DDX54: variants seen among roughly 807,000 people sequenced by gnomAD.
The protein encoded by DDX54 is DEAD-box helicase 54, also known as ATP-dependent RNA helicase DDX54.
In DDX54, 67 loss-of-function variants were observed where a neutral mutation model predicts 105.5. The ratio of observed to expected loss-of-function variants is 0.64; its 90% CI spans 0.52 to 0.78. DDX54 has a LOEUF of 0.78. Among genes scored for constraint, DDX54 ranks in the 30% least tolerant of loss-of-function variants. The pLI is 0.00. For missense variants in DDX54, 1,206 were observed against 1,230.5 expected, an observed-to-expected ratio of 0.98 and a Z score of 0.30; for synonymous variants, 514 against 509.9, an observed-to-expected ratio of 1.01 and a Z score of -0.11.
At chr12:113,162,355 G>A (rs1952218158) in intron 17 of DDX54, among the ~76,000 whole-genome samples, 1 of 152,184 alleles carries the variant, frequency 6.6e-6, no homozygotes, top group Non-Finnish European at 1.5e-5. Context: ...AGTCCTGAAC[G>A]AATGGGTCCT....
Position 113,176,876 on chromosome 12 carries a change from T to C in DDX54, c.716A>G (p.Gln239Arg). Reference protein sequence around the residue: ...HVAVEMSLKLQSVEYVVFDEA... With the variant: ...HVAVEMSLKLRSVEYVVFDEA... ...ATCGAACACCACGTATTCCACACTC[T>C]GCAGCTTCAGGCTCATTTCCACAGC... The change falls in exon 7 of 20, where the codon CAG (glutamine) becomes CGG (arginine). Residue 239 changes from glutamine to arginine, a missense_variant. Physicochemically the swap from Gln to Arg is conservative, Grantham distance 43. Transcript: ENST00000306014. 1 of 1,614,220 alleles carries C rather than the reference T, an allele frequency of 6.2e-7. No individual in the cohort carries two copies. Among genetic ancestry groups the C allele is most frequent in the Non-Finnish European group, 8.5e-7 (1 of 1,180,040 alleles).
chr12:113,170,338 G>T (rs942940396), intron 11 of DDX54, among the ~76,000 whole-genome samples: 1 of 152,190 alleles, frequency 6.6e-6, no homozygotes, highest in Non-Finnish European at 1.5e-5. Context: ...CAGGAAAAGA[G>T]TGGGCAAACT....
chr12:113,173,919 A>G (rs1436550582), intron 10 of DDX54, among the ~76,000 whole-genome samples: 1 of 152,248 alleles, frequency 6.6e-6, no homozygotes, highest in East Asian at 1.9e-4. Context: ...GCTGTGGCTT[A>G]CACCTGTAAT....
Position 113,169,805 on chromosome 12 carries a change from G to A in DDX54, c.1379C>T (p.Ser460Phe). Reference protein sequence around the residue: ...LLDLHLFLGRSLTLARPLKEP... With the variant: ...LLDLHLFLGRFLTLARPLKEP... ...CTTGAGGGGTCGGGCGAGGGTGAGG[G>A]AGCGGCCCAGGAACAGGTGCAGATC... Residue 460 changes from serine (S) to phenylalanine (F), a missense_variant, in exon 12 of 20, where the codon TCC (serine) becomes TTC (phenylalanine). By Grantham distance (155) the Ser-to-Phe change is radical (BLOSUM62 -2). Transcript: ENST00000306014. 6.2e-7 allele frequency: 1 copy of A among 1,614,094 alleles called. No individual in the cohort carries two copies. Among genetic ancestry groups the A allele is most frequent in the Non-Finnish European group, 8.5e-7 (1 of 1,180,002 alleles).
chr12:113,182,202 G>C (rs994259298), intron 1 of DDX54, among the ~76,000 whole-genome samples: 5 of 152,154 alleles, frequency 3.3e-5, no homozygotes, highest in African/African-American at 1.2e-4. Context: ...CGTGCCCAAG[G>C]TCACACAGCC....
chr12:113,164,580 G>T (rs143592230), intron 14 of DDX54, among the ~76,000 whole-genome samples: 1 of 152,156 alleles, frequency 6.6e-6, no homozygotes, highest in African/African-American at 2.4e-5. Flanking sequence ...TAGGTGTGGT[G>T]GTGGGCACCT....
At chr12:113,166,093 G>A (rs1952272502) in intron 12 of DDX54, 61 bp from the exon 13 acceptor site, 18 of 1,516,028 alleles carry the variant, frequency 1.2e-5, no homozygotes, top group Admixed American at 1.8e-5. Flanking sequence ...TCCACTGCCC[G>A]ACCACCACTC....
At chr12:113,179,913 C>T (rs752359127) in intron 3 of DDX54, 22 bp downstream of exon 3, 18 of 1,613,854 alleles carry the variant, frequency 1.1e-5, no homozygotes, top group Middle Eastern at 1.6e-4. Context: ...CGCCCTCACC[C>T]GTCGACCGCC....
intron 19 of DDX54, among the ~76,000 whole-genome samples, chr12:113,159,697 C>T (rs1253635368): frequency 6.6e-6 from 1 of 151,978 alleles, no homozygotes; most frequent in Non-Finnish European, 1.5e-5. Flanking sequence ...CAAAGAAGGC[C>T]AGAGAGGGAG....
chr12:113,185,458 C>T lies in DDX54; in HGVS notation c.-7G>A. ...GGCCCTTGTCGGCCGCCATTCGGGC[C>T]GCGCGCTGGGAACGCAGAAGGGGGC... On this transcript the variant is annotated 5_prime_UTR_variant, in exon 1 of 20. Coordinates refer to ENST00000306014, the MANE Select transcript of DDX54 (RefSeq NM_024072.4). The T allele has an allele frequency of 6.7e-7, 1 of 1,496,558 alleles. No homozygotes were observed. Among genetic ancestry groups the T allele is most frequent in the Non-Finnish European group, 8.9e-7 (1 of 1,126,962 alleles). 92.7% of individuals were successfully genotyped at this position (1,496,558 alleles called of 1,614,324 possible). A position where few individuals can be genotyped will look rare whatever the true frequency, so the allele number is the denominator to read the frequency against.
intron 5 of DDX54, among the ~76,000 whole-genome samples, chr12:113,178,057 G>A (rs1035813515): frequency 6.6e-5 from 10 of 151,996 alleles, no homozygotes; most frequent in African/African-American, 4.8e-5. Flanking sequence ...GTAACATGGC[G>A]AGACCTCATC....
Position 113,159,087 on chromosome 12 carries a change from T to C in DDX54, c.2436A>G (p.Pro812=), listed in dbSNP as rs1403493163. 3 of 1,603,508 alleles carry C rather than the reference T, an allele frequency of 1.9e-6. No homozygotes were observed. The East Asian group carries it at 6.7e-5, about 36-fold the overall frequency. ...RGQGASRPHA[P]GTPAGRVRPE... is the part of the protein sequence containing the mutation. ...GGCGGACTCGGCCTGCAGGGGTGCC[T>C]GGGGCGTGGGGCCGGGATGCACCTG... is the stretch of plus-strand genomic sequence containing the variant. Residue 812 remains proline, a synonymous_variant, in exon 20 of 20, where the codon CCA becomes CCG. Transcript: ENST00000306014.
At chr12:113,175,594 C>A (rs1333730524) in intron 7 of DDX54, among the ~76,000 whole-genome samples, 2 of 152,184 alleles carry the variant, frequency 1.3e-5, no homozygotes, top group African/African-American at 4.8e-5. Flanking sequence ...CGAGACCATC[C>A]TGGCTAACAC....
chr12:113,176,706 C>T (rs1475105781), intron 7 of DDX54, 134 bp downstream of exon 7: 1 of 880,402 alleles, frequency 1.1e-6, no homozygotes, highest in Non-Finnish European at 1.7e-6. Context: ...AGGTCTGCAG[C>T]CCACATCTGG....
chr12:113,163,882 C>G lies in DDX54; in HGVS notation c.1938+185G>C, dbSNP rs1952240290. ...GTGCACAGCTCCTCAGGCTAAAGAT[C>G]TGGCCCCAGAGTTTTAAACGAGGGA... On this transcript the variant is annotated intron_variant, in intron 15 of 19. Coordinates refer to ENST00000306014, the MANE Select transcript of DDX54 (RefSeq NM_024072.4). This position sits in a 1 kb window ranked among gnomAD's most constrained non-coding sequence, Gnocchi z 5.9. 6.6e-6 allele frequency among the ~76,000 whole-genome samples: 1 copy of G among 152,210 alleles called. No homozygotes were observed. Among genetic ancestry groups the G allele is most frequent in the South Asian group, 2.1e-4 (1 of 4,834 alleles).
chr12:113,157,560 G>T lies in DDX54; in HGVS notation c.*1317C>A. 1 of 1,528,458 alleles carries T rather than the reference G, an allele frequency of 6.5e-7. No individual in the cohort carries two copies. 94.7% of individuals were successfully genotyped at this position (1,528,458 alleles called of 1,614,324 possible). ...TGTTGAGGGGTGGGGGCTGGACAGT[G>T]ACTCTGGGGCTGGGATGTGACTTCG... On this transcript the variant is annotated 3_prime_UTR_variant, in exon 20 of 20. Transcript: ENST00000306014.
At chr12:113,161,729 C>T (rs1952210663) in intron 18 of DDX54, among the ~76,000 whole-genome samples, 164 bp downstream of exon 18, 1 of 150,736 alleles carries the variant, frequency 6.6e-6, no homozygotes, top group African/African-American at 2.4e-5. Flanking sequence ...CTCGGCCCCG[C>T]CCCCAGCACC....
At position 113,179,284 on chromosome 12, in the gene DDX54, C is replaced by G. The variant is rs1952439622; in HGVS notation, c.423G>C (p.Arg141=). 8 of 1,614,036 alleles carry G rather than the reference C, an allele frequency of 5.0e-6. No individual in the cohort carries two copies. The highest frequency in any genetic ancestry group is 5.1e-6 in the Non-Finnish European group (6 of 1,180,020). Residue 141 remains arginine (R), a synonymous_variant, in exon 4 of 20, where the codon CGG becomes CGC. Transcript: ENST00000306014. ...AGCAGGCTGTCTTGCCACTGCCCGT[C>G]CGGGCCATGGCCACCACGTCCTTGC... The part of the protein sequence containing the change: ...LDGKDVVAMA[R]TGSGKTACFL...
In DDX54 at chr12:113,172,377, C is replaced by A; in HGVS notation, c.1255G>T (p.Gly419Cys). Reference protein sequence around the residue: ...NVINYSFPAKGKLFLHRVGRV... With the variant: ...NVINYSFPAKCKLFLHRVGRV... ...CCCACGCGGTGCAGGAAGAGTTTGC[C>A]CTTGGCGGGGAAGCTGTAGTTGATG... is the stretch of plus-strand genomic sequence containing the variant. Residue 419 changes from glycine to cysteine, a missense_variant, in exon 11 of 20, where the codon GGC becomes TGC. This residue lies in a region of DDX54 where 961 missense variants were observed against 1,019.1 expected (regional missense o/e 0.94). Coordinates refer to ENST00000306014, the MANE Select transcript of DDX54 (RefSeq NM_024072.4). The A allele has an allele frequency of 6.2e-7, 1 of 1,614,140 alleles. No individual in the cohort carries two copies. The highest frequency in any genetic ancestry group is 8.5e-7 in the Non-Finnish European group (1 of 1,180,016).
Sources: gnomAD v4.1 joint callset for allele counts (sites outside exome capture counted in the v4.1 genomes callset) on GRCh38, gnomAD v4.1.1 for gene constraint, gnomAD v4.1.1 regional missense constraint, Gnocchi (gnomAD v3.1) non-coding constraint, MANE v1.5 for transcripts, NCBI Gene and HGNC (gene_info 2026-07-23, HGNC 2026-07-21) for gene names.